The following TAF4 variants were observed in gnomAD, a reference collection of about 807,000 sequenced individuals.
TAF4 encodes the protein transcription initiation factor TFIID subunit 4.
A neutral mutation model predicts 90.3 loss-of-function variants in TAF4; 9 were observed. The observed-to-expected ratio is 0.10, with a 90% CI of 0.06 to 0.17. The LOEUF is 0.17. Among genes scored for constraint, TAF4 ranks in the 10% least tolerant of loss-of-function variants. TAF4 has a pLI of 1.00. For synonymous variants in TAF4, 818 were observed against 638.9 expected (o/e 1.28, Z -4.23); for missense variants, 1,351 against 1,370.7 (o/e 0.99, Z 0.23).
intron 1 of TAF4, among the ~76,000 whole-genome samples, chr20:62,061,374 C>T (rs965712772): frequency 3.9e-5 from 6 of 152,228 alleles, no homozygotes; most frequent in Admixed American, 2.0e-4. Context: ...AGCAAGCACA[C>T]GCCCCCTAGG....
chr20:61,996,795 C>CAAAAA (rs752885979), intron 14 of TAF4, among the ~76,000 whole-genome samples: 1 of 79,170 alleles, frequency 1.3e-5, no homozygotes, highest in Non-Finnish European at 2.7e-5. Context: ...AAGACTGTCT[C>CAAAAA]AAAAAAAAAA....
chr20:61,981,650 C>G (rs2055541713), intron 14 of TAF4, among the ~76,000 whole-genome samples: 1 of 152,120 alleles, frequency 6.6e-6, no homozygotes, highest in Non-Finnish European at 1.5e-5. Context: ...GGAAAAGGGT[C>G]AGGAGAAAAC....
At chr20:62,040,711 C>T (rs796564757) in intron 1 of TAF4, among the ~76,000 whole-genome samples, 1 of 152,232 alleles carries the variant, frequency 6.6e-6, no homozygotes, top group Admixed American at 6.5e-5. Context: ...CAAGATCTCA[C>T]GGCAGCAGCA....
At chr20:62,056,537 A>T (rs1252318841) in intron 1 of TAF4, among the ~76,000 whole-genome samples, 1 of 152,236 alleles carries the variant, frequency 6.6e-6, no homozygotes, top group East Asian at 1.9e-4. Flanking sequence ...TGTCGCCATC[A>T]GCACAGCACC....
In TAF4 at chr20:62,009,089, G is replaced by A. The variant is rs2055763846; in HGVS notation, c.1847C>T (p.Thr616Ile). The change falls in exon 5 of 15, where the codon ACA becomes ATA. Residue 616 changes from threonine (T) to isoleucine (I), a missense_variant. Transcript: ENST00000252996. ...LASSGKQSTE[T>I]AANVKELVQN... is the part of the protein sequence containing the mutation. ...CACGAGCTCTTTCACATTAGCTGCT[G>A]TCTCTGTAGACTGCTTGCCAGATGA... 6.2e-7 allele frequency: 1 copy of A among 1,613,380 alleles called. No homozygotes were observed. The highest frequency in any genetic ancestry group is 1.3e-5 in the African/African-American group (1 of 74,912).
At chr20:62,000,782 G>C in intron 9 of TAF4, 61 bp from the exon 10 acceptor site, 2 of 1,589,418 alleles carry the variant, frequency 1.3e-6, no homozygotes, top group African/African-American at 1.3e-5. Flanking sequence ...AGGTGGGCTG[G>C]GGTGGTAAGG....
chr20:62,027,290 C>A (rs183949504), intron 1 of TAF4, among the ~76,000 whole-genome samples: 1 of 152,182 alleles, frequency 6.6e-6, no homozygotes, highest in Non-Finnish European at 1.5e-5. Context: ...AAACCCTAAA[C>A]GGGCACTGTG....
At chr20:62,050,295 C>A (rs1029692983) in intron 1 of TAF4, among the ~76,000 whole-genome samples, 2 of 152,122 alleles carry the variant, frequency 1.3e-5, no homozygotes, top group African/African-American at 2.4e-5. Context: ...TGGCTCTGCT[C>A]CCCATGGACC....
chr20:62,065,831 C>A lies in TAF4; in HGVS notation c.-21G>T. ...GCCATCTTTTTTCCTCGGCCGCCGC[C>A]GCCGCCGCCGCTCGGGCCGAGCGCG... On this transcript the variant is annotated 5_prime_UTR_variant, in exon 1 of 15. Transcript: ENST00000252996. 7.9e-7 allele frequency: 1 copy of A among 1,259,156 alleles called. No individual in the cohort carries two copies. The highest frequency in any genetic ancestry group is 1.0e-6 in the Non-Finnish European group (1 of 979,004). 78.0% of individuals were successfully genotyped at this position (1,259,156 alleles called of 1,614,324 possible).
chr20:62,024,215 G>A (rs1339794458), intron 1 of TAF4, among the ~76,000 whole-genome samples: 1 of 152,190 alleles, frequency 6.6e-6, no homozygotes, highest in Admixed American at 6.5e-5. Context: ...CTTCTCACAT[G>A]CTGGAACAAC....
intron 1 of TAF4, among the ~76,000 whole-genome samples, chr20:62,041,782 T>A (rs556829714): frequency 6.8e-6 from 1 of 147,478 alleles, no homozygotes; most frequent in Non-Finnish European, 1.5e-5. Context: ...AAAAAAAAAA[T>A]TGAAACATCA....
At chr20:62,060,269 T>G (rs981372939) in intron 1 of TAF4, among the ~76,000 whole-genome samples, 12 of 152,236 alleles carry the variant, frequency 7.9e-5, no homozygotes, top group African/African-American at 2.9e-4. Context: ...CCTACAAAGC[T>G]TCTCACAGGC....
intron 1 of TAF4, among the ~76,000 whole-genome samples, chr20:62,017,116 G>A (rs963413315): frequency 2.8e-4 from 42 of 151,770 alleles, no homozygotes; most frequent in African/African-American, 8.2e-4. Flanking sequence ...ACTCCAGCCT[G>A]GACCACAGAG....
At chr20:61,977,226 G>A (rs933880463) in intron 14 of TAF4, among the ~76,000 whole-genome samples, 23 of 137,644 alleles carry the variant, frequency 1.7e-4, no homozygotes, top group African/African-American at 4.4e-4. Context: ...ACACAACACC[G>A]CCCAGCGGGG....
intron 1 of TAF4, among the ~76,000 whole-genome samples, chr20:62,015,935 C>T (rs1387318235): frequency 6.6e-6 from 1 of 152,196 alleles, no homozygotes. Context: ...GAAAACTTCC[C>T]CCCAAAACGC....
intron 1 of TAF4, among the ~76,000 whole-genome samples, chr20:62,038,951 G>A (rs1047202770): frequency 1.3e-5 from 2 of 152,242 alleles, no homozygotes; most frequent in African/African-American, 4.8e-5. Flanking sequence ...TACTCGGGAG[G>A]CTGAGGCAGG....
chr20:62,029,486 G>GCGCGCACACACACA (rs148456376), intron 1 of TAF4, among the ~76,000 whole-genome samples: 10 of 146,188 alleles, frequency 6.8e-5, no homozygotes, highest in African/African-American at 2.4e-4. Flanking sequence ...GCGCGCGCGC[G>GCGCGCACACACACA]CACACACACA....
chr20:62,060,814 C>T (rs1490173385), intron 1 of TAF4, among the ~76,000 whole-genome samples: 1 of 152,212 alleles, frequency 6.6e-6, no homozygotes, highest in Non-Finnish European at 1.5e-5. Flanking sequence ...CCTCAGACCT[C>T]GGTAACTTCC....
At chr20:61,998,033 T>A (rs578228248) in intron 13 of TAF4, 103 bp downstream of exon 13, 5 of 1,087,314 alleles carry the variant, frequency 4.6e-6, no homozygotes, top group Non-Finnish European at 6.7e-6. Context: ...GACACGCAAA[T>A]GCCTATCGTA....
Sources: gnomAD v4.1 joint callset for allele counts (sites outside exome capture counted in the v4.1 genomes callset) on GRCh38, gnomAD v4.1.1 for gene constraint, MANE v1.5 for transcripts, NCBI Gene and HGNC (gene_info 2026-07-23, HGNC 2026-07-21) for gene names.